The following RABGAP1L variants were observed in gnomAD, a reference collection of about 807,000 sequenced individuals.
RABGAP1L encodes rab GTPase-activating protein 1-like.
A neutral mutation model predicts 137.7 loss-of-function variants in RABGAP1L; 63 were observed. The observed-to-expected ratio is 0.46, with a 90% CI of 0.37 to 0.56. The LOEUF (loss-of-function observed/expected upper bound fraction) is 0.56, where lower values mean the gene tolerates loss of function less well. Ranked by LOEUF, RABGAP1L falls within the 20% of genes least tolerant of loss-of-function variation. The probability of loss-of-function intolerance (pLI) is 0.00; values close to 1 mark genes in which losing one functional copy is unlikely to be tolerated. For missense variants in RABGAP1L, 1,095 were observed against 1,244.0 expected, an observed-to-expected ratio of 0.88 and a Z score of 1.80; for synonymous variants, 431 against 433.7, an observed-to-expected ratio of 0.99 and a Z score of 0.08.
intron 14 of RABGAP1L, among the ~76,000 whole-genome samples, chr1:174,660,214 G>A (rs977839687): frequency 2.0e-5 from 3 of 152,108 alleles, no homozygotes; most frequent in East Asian, 1.9e-4. Context: ...TAAGCCAGGC[G>A]CCATATGACA....
rs980056549 is a variant in RABGAP1L, at chr1:174,780,652, T to C, written c.2211+28298T>C. Among the ~76,000 whole-genome samples the C allele has an allele frequency of 1.3e-4, 19 of 151,860 alleles. No individual in the cohort carries two copies. In the East Asian group the frequency reaches 2.1e-3, roughly 17 times the overall value. The stretch of plus-strand genomic sequence containing the variant: ...GTTACATATGTATACATGTGCCATG[T>C]TGGTGTGCTGCACCCATTAACTCGT... On this transcript the variant is annotated intron_variant, in intron 18 of 25. Transcript: ENST00000681986.
intron 19 of RABGAP1L, among the ~76,000 whole-genome samples, chr1:174,861,438 G>A (rs1271071088): frequency 2.0e-5 from 3 of 151,916 alleles, no homozygotes; most frequent in East Asian, 3.9e-4. Context: ...ATATCTCTTC[G>A]AGATACTATG....
chr1:174,742,343 C>G (rs1473015659), intron 17 of RABGAP1L, among the ~76,000 whole-genome samples: 1 of 151,864 alleles, frequency 6.6e-6, no homozygotes, highest in Non-Finnish European at 1.5e-5. Flanking sequence ...TGTGGTGAAA[C>G]CCATCTCTAC....
At chr1:174,268,348 C>T (rs543780918) in intron 7 of RABGAP1L, among the ~76,000 whole-genome samples, 69 of 151,860 alleles carry the variant, frequency 4.5e-4, no homozygotes, top group Admixed American at 8.5e-4. Flanking sequence ...TACAGGTGCC[C>T]GCCACTACGC....
At chr1:174,550,227 A>G (rs968328557) in intron 13 of RABGAP1L, among the ~76,000 whole-genome samples, 12 of 152,172 alleles carry the variant, frequency 7.9e-5, no homozygotes, top group South Asian at 2.1e-4. Context: ...GGAAAACCAA[A>G]AGGAGGATTG....
intron 7 of RABGAP1L, among the ~76,000 whole-genome samples, chr1:174,262,805 T>G (rs1673704775): frequency 6.6e-6 from 1 of 152,270 alleles, no homozygotes; most frequent in Non-Finnish European, 1.5e-5. Context: ...TTAGCTGATC[T>G]GCATTAATGG....
At chr1:174,278,957 T>TA (rs570372671) in intron 10 of RABGAP1L, among the ~76,000 whole-genome samples, 178 bp downstream of exon 10, 11 of 152,222 alleles carry the variant, frequency 7.2e-5, no homozygotes, top group Non-Finnish European at 1.0e-4. Flanking sequence ...TAATATTAGC[T>TA]AAAAAAACCC....
chr1:174,446,398 T>C (rs1195694130), intron 13 of RABGAP1L, among the ~76,000 whole-genome samples: 2 of 152,236 alleles, frequency 1.3e-5, no homozygotes, highest in African/African-American at 4.8e-5. Flanking sequence ...AGAAGAATGC[T>C]TTCTGTTAAG....
At chr1:174,581,899 A>G (rs1668777925) in intron 13 of RABGAP1L, among the ~76,000 whole-genome samples, 1 of 152,172 alleles carries the variant, frequency 6.6e-6, no homozygotes, top group African/African-American at 2.4e-5. Context: ...CATATATGGT[A>G]ATTCCTAGAT....
intron 19 of RABGAP1L, among the ~76,000 whole-genome samples, chr1:174,910,716 A>G (rs956323548): frequency 2.0e-5 from 3 of 152,242 alleles, no homozygotes; most frequent in Admixed American, 6.5e-5. Flanking sequence ...GTAAACTTGC[A>G]GCATACAAAA....
intron 1 of RABGAP1L, among the ~76,000 whole-genome samples, chr1:174,186,068 C>T (rs758614441): frequency 4.7e-5 from 7 of 150,532 alleles, no homozygotes; most frequent in Non-Finnish European, 1.0e-4. Context: ...CGCTTGAACC[C>T]GGGAGGCGGA....
intron 6 of RABGAP1L, 102 bp from the exon 7 acceptor site, chr1:174,252,378 G>A: frequency 1.4e-6 from 2 of 1,386,902 alleles, no homozygotes; most frequent in East Asian, 2.5e-5. Context: ...GAATAAGGGT[G>A]TTGTTGCTTA....
chr1:174,330,985 T>C (rs1166438946), intron 11 of RABGAP1L, among the ~76,000 whole-genome samples: 1 of 152,112 alleles, frequency 6.6e-6, no homozygotes, highest in Non-Finnish European at 1.5e-5. Context: ...GCATAAAAAA[T>C]AGACGCATAG....
intron 13 of RABGAP1L, among the ~76,000 whole-genome samples, chr1:174,519,896 A>G (rs1174298374): frequency 6.6e-6 from 1 of 152,222 alleles, no homozygotes; most frequent in Non-Finnish European, 1.5e-5. Context: ...CCCATTGTGT[A>G]TTCTTTACTG....
At chr1:174,912,809 C>T (rs1466599970) in intron 19 of RABGAP1L, among the ~76,000 whole-genome samples, 1 of 152,056 alleles carries the variant, frequency 6.6e-6, no homozygotes, top group Admixed American at 6.6e-5. Flanking sequence ...GCTTTTATTC[C>T]ATCATCATGT....
chr1:174,886,258 C>T (rs1304970300), intron 19 of RABGAP1L, among the ~76,000 whole-genome samples: 5 of 152,202 alleles, frequency 3.3e-5, no homozygotes, highest in East Asian at 1.9e-4. Flanking sequence ...GTGGTCTTCC[C>T]GCCTTGACCT....
chr1:174,575,333 G>A (rs77929942), intron 13 of RABGAP1L, among the ~76,000 whole-genome samples: 3,572 of 152,090 alleles, frequency 0.023, 133 homozygotes, highest in African/African-American at 0.082. Flanking sequence ...ATATCATTTC[G>A]GTTGTTGTTT....
At chr1:174,238,630 G>C (rs967176165) in intron 4 of RABGAP1L, among the ~76,000 whole-genome samples, 4 of 150,636 alleles carry the variant, frequency 2.7e-5, no homozygotes, top group Non-Finnish European at 5.9e-5. Flanking sequence ...CCCGTTCTCA[G>C]ATCTCCAGCT....
chr1:174,675,334 A>G, intron 14 of RABGAP1L, among the ~76,000 whole-genome samples: 1 of 151,814 alleles, frequency 6.6e-6, no homozygotes, highest in Non-Finnish European at 1.5e-5. Flanking sequence ...AGCACCATTT[A>G]TTAAATAGGG....
Sources: allele counts gnomAD v4.1 joint callset (sites outside exome capture counted in the v4.1 genomes callset), GRCh38; gene constraint gnomAD v4.1.1; transcripts MANE v1.5; gene names NCBI Gene and HGNC (gene_info 2026-07-23, HGNC 2026-07-21).